The following LYPD3 variants were observed in gnomAD, a reference collection of about 807,000 sequenced individuals.
LYPD3 encodes LY6/PLAUR domain containing 3.
A neutral mutation model predicts 21.7 loss-of-function variants in LYPD3; 22 were observed. That is an observed-to-expected ratio of 1.01 (90% CI 0.72 to 1.45). The LOEUF is 1.45. Among genes scored for constraint, LYPD3 ranks in the 40% most tolerant of loss-of-function variants. The pLI is 0.00. For synonymous variants in LYPD3, 179 were observed against 203.0 expected, an observed-to-expected ratio of 0.88 and a Z score of 1.00; for missense variants, 471 against 466.9, an observed-to-expected ratio of 1.01 and a Z score of -0.08.
chr19:43,463,385 C>A, intron 3 of LYPD3, 98 bp from the exon 4 acceptor site: 1 of 1,441,100 alleles, frequency 6.9e-7, no homozygotes, highest in Non-Finnish European at 9.5e-7. Context: ...CCGGCACTAT[C>A]GATGACCCCG....
At position 43,464,340 on chromosome 19, in the gene LYPD3, C is replaced by T; in HGVS notation, c.196G>A (p.Gly66Arg). 6.2e-7 allele frequency: 1 copy of T among 1,610,836 alleles called. No individual in the cohort carries two copies. The change falls in exon 2 of 5, where the codon GGG becomes AGG. Residue 66 changes from glycine (G) to arginine (R), a missense_variant. By Grantham distance (125) the Gly-to-Arg change is moderately radical (BLOSUM62 -2). Transcript: ENST00000244333. ...PGVDVCTEAVGAVETIHGQFS... is the reference protein window; with the variant it reads ...PGVDVCTEAVRAVETIHGQFS... ...CCCCACTCACTGGTCTCCACCGCCC[C>T]CACGGCCTCGGTGCAGACGTCCACG...
Position 43,463,583 on chromosome 19 carries a change from C to A in LYPD3, c.382+16G>T. 6.3e-7 allele frequency: 1 copy of A among 1,598,114 alleles called. No individual in the cohort carries two copies. Among genetic ancestry groups the A allele is most frequent in the Non-Finnish European group, 8.5e-7 (1 of 1,179,246 alleles). On this transcript the variant is annotated intron_variant, in intron 3 of 4. Transcript: ENST00000244333. ...TGTGGCTCCGCCCCCGCAGCTACGG[C>A]CCGGCCCCCACGGACCTGCCGGGTC...
chr19:43,461,605 C>G lies in LYPD3; in HGVS notation c.787G>C (p.Val263Leu). 6.2e-7 allele frequency: 1 copy of G among 1,614,144 alleles called. No individual in the cohort carries two copies. The highest frequency in any genetic ancestry group is 8.5e-7 in the Non-Finnish European group (1 of 1,180,022). ...GGTTTGGTGGTGGATGTGGGTCTCA[C>G]TGGGGCCGAGGTAGAAGTGGTGACA... ...TSVTTSTSAP[V>L]RPTSTTKPMP... The change falls in exon 5 of 5, where the codon GTG becomes CTG. Residue 263 changes from valine to leucine, a missense_variant. Physicochemically the swap from Val to Leu is conservative, Grantham distance 32 (BLOSUM62 1). Coordinates refer to ENST00000244333, the MANE Select transcript of LYPD3 (RefSeq NM_014400.3).
chr19:43,463,976 G>A, intron 2 of LYPD3: 2 of 640,642 alleles, frequency 3.1e-6, no homozygotes, highest in Non-Finnish European at 5.4e-6. Flanking sequence ...GTCACGGAAC[G>A]GGGGCGGAAC....
chr19:43,464,829 A>T (rs1942777311), intron 1 of LYPD3, among the ~76,000 whole-genome samples: 1 of 152,070 alleles, frequency 6.6e-6, no homozygotes, highest in Non-Finnish European at 1.5e-5. Flanking sequence ...GACTGTGCTC[A>T]GTGAGGGATC....
At chr19:43,461,888 G>C in intron 4 of LYPD3, 41 bp from the exon 5 acceptor site, 1 of 1,579,266 alleles carries the variant, frequency 6.3e-7, no homozygotes, top group Non-Finnish European at 8.6e-7. Flanking sequence ...GCTGGAGGGA[G>C]AGAGGTTGAC....
In LYPD3 at chr19:43,463,772, A is replaced by G. The variant is rs1970796961; in HGVS notation, c.212-3T>C. 6.2e-7 allele frequency: 1 copy of G among 1,609,556 alleles called. No individual in the cohort carries two copies. The highest frequency in any genetic ancestry group is 2.2e-5 in the East Asian group (1 of 44,682). Reference sequence around the variant, plus strand: ...TGCCAGCGAGAATTGTCCGTGGACTAGGGAGAGGGACAAGGGCGGGATTAG... The same window carrying G: ...TGCCAGCGAGAATTGTCCGTGGACTGGGGAGAGGGACAAGGGCGGGATTAG... On this transcript the variant is annotated splice_polypyrimidine_tract_variant and splice_region_variant and intron_variant, in intron 2 of 4. Transcript: ENST00000244333.
At position 43,461,252 on chromosome 19, in the gene LYPD3, TG is replaced by T. The variant is rs1970772633; in HGVS notation, c.*98del. 6 of 1,384,526 alleles carry T rather than the reference TG, an allele frequency of 4.3e-6. No homozygotes were observed. The highest frequency in any genetic ancestry group is 4.8e-6 in the Non-Finnish European group (5 of 1,040,498). 85.8% of individuals were successfully genotyped at this position (1,384,526 alleles called of 1,614,324 possible). A position where few individuals can be genotyped will look rare whatever the true frequency, so the allele number is the denominator to read the frequency against. On this transcript the variant is annotated 3_prime_UTR_variant, in exon 5 of 5. Coordinates refer to ENST00000244333, the MANE Select transcript of LYPD3 (RefSeq NM_014400.3). ...TGGGGAATGTTGGAAAAACAGGGGC[TG>T]GGCCAGCCCAGTCCAGTGGTGGGAA...
chr19:43,464,830 G>A (rs1970807927), intron 1 of LYPD3, among the ~76,000 whole-genome samples: 2 of 152,080 alleles, frequency 1.3e-5, no homozygotes, highest in South Asian at 4.1e-4. Flanking sequence ...ACTGTGCTCA[G>A]TGAGGGATCC....
Position 43,463,777 on chromosome 19 carries a change from G to A in LYPD3, c.212-8C>T. 1 of 1,612,206 alleles carries A rather than the reference G, an allele frequency of 6.2e-7. No individual in the cohort carries two copies. Among genetic ancestry groups the A allele is most frequent in the African/African-American group, 1.3e-5 (1 of 75,058 alleles). ...GCGAGAATTGTCCGTGGACTAGGGA[G>A]AGGGACAAGGGCGGGATTAGCTGTG... On this transcript the variant is annotated splice_polypyrimidine_tract_variant and splice_region_variant and intron_variant, in intron 2 of 4. Transcript: ENST00000244333.
Position 43,461,237 on chromosome 19 carries a change from T to C in LYPD3, c.*114A>G. On this transcript the variant is annotated 3_prime_UTR_variant, in exon 5 of 5. Transcript: ENST00000244333. ...AGAAGCTGGGGATACTGGGGAATGT[T>C]GGAAAAACAGGGGCTGGGCCAGCCC... 7.8e-7 allele frequency: 1 copy of C among 1,283,158 alleles called. No individual in the cohort carries two copies. Among genetic ancestry groups the C allele is most frequent in the Admixed American group, 2.9e-5 (1 of 34,734 alleles). The allele number at this position is 1,283,158 out of a possible 1,614,324, so 79.5% of individuals were successfully genotyped here.
Position 43,463,205 on chromosome 19 carries a change from C to T in LYPD3, c.465G>A (p.Ser155=), listed in dbSNP as rs1463660131. 1 of 1,610,302 alleles carries T rather than the reference C, an allele frequency of 6.2e-7. No individual in the cohort carries two copies. Among genetic ancestry groups the T allele is most frequent in the African/African-American group, 1.3e-5 (1 of 74,934 alleles). ...CGTTGTAGCAGCTCACGACCGGCGG[C>T]GATGTACCCTGGCACGCCTCCCGGC... ...GLSREACQGT[S]PPVVSCYNAS... The change falls in exon 4 of 5, where the codon TCG becomes TCA. Residue 155 remains serine, a synonymous_variant. Transcript: ENST00000244333.
At chr19:43,464,930 TTTTC>T (rs796263086) in intron 1 of LYPD3, among the ~76,000 whole-genome samples, 17 of 82,262 alleles carry the variant, frequency 2.1e-4, no homozygotes, top group East Asian at 8.5e-4. Context: ...TTTTTTCTTT[TTTTC>T]TTTTTTTTTT....
intron 4 of LYPD3, 70 bp from the exon 5 acceptor site, chr19:43,461,917 A>AC: frequency 1.3e-6 from 2 of 1,521,680 alleles, no homozygotes; most frequent in South Asian, 2.5e-5. Flanking sequence ...AACAAAACTT[A>AC]GAGGCATCAG....
intron 1 of LYPD3, among the ~76,000 whole-genome samples, chr19:43,465,064 G>A (rs1004569940): frequency 2.0e-5 from 3 of 151,910 alleles, no homozygotes; most frequent in Non-Finnish European, 4.4e-5. Context: ...GAGTAGCTGG[G>A]ACTACAGGCT....
intron 3 of LYPD3, 32 bp from the exon 4 acceptor site, chr19:43,463,319 T>A (rs779650493): frequency 6.3e-7 from 1 of 1,597,838 alleles, no homozygotes; most frequent in South Asian, 1.1e-5. Context: ...AGAAAAGGTG[T>A]CGAAAGGGTT....
In LYPD3 at chr19:43,461,279, C is replaced by T. The variant is rs986059657; in HGVS notation, c.*72G>A. The T allele has an allele frequency of 6.8e-6, 10 of 1,463,768 alleles. No homozygotes were observed. The highest frequency in any genetic ancestry group is 4.9e-4 in the Middle Eastern group (2 of 4,108). The allele number at this position is 1,463,768 out of a possible 1,614,324, so 90.7% of individuals were successfully genotyped here. A position where few individuals can be genotyped will look rare whatever the true frequency, so the allele number is the denominator to read the frequency against. ...GGCCAGCCCAGTCCAGTGGTGGGAACAGGAAGTGATGAGAAGAGGGGTACC... is the reference window on the plus strand; with the variant it reads ...GGCCAGCCCAGTCCAGTGGTGGGAATAGGAAGTGATGAGAAGAGGGGTACC... On this transcript the variant is annotated 3_prime_UTR_variant, in exon 5 of 5. Coordinates refer to ENST00000244333, the MANE Select transcript of LYPD3 (RefSeq NM_014400.3).
Position 43,463,584 on chromosome 19 carries a change from C to T in LYPD3, c.382+15G>A, listed in dbSNP as rs546426157. The T allele has an allele frequency of 4.4e-6, 7 of 1,598,212 alleles. No homozygotes were observed. In the Middle Eastern group the frequency reaches 5.0e-4, roughly 113 times the overall value. On this transcript the variant is annotated intron_variant, in intron 3 of 4. Coordinates refer to ENST00000244333, the MANE Select transcript of LYPD3 (RefSeq NM_014400.3). ...GTGGCTCCGCCCCCGCAGCTACGGC[C>T]CGGCCCCCACGGACCTGCCGGGTCG...
intron 4 of LYPD3, among the ~76,000 whole-genome samples, chr19:43,462,835 C>T (rs1970786281): frequency 6.6e-6 from 1 of 152,160 alleles, no homozygotes; most frequent in African/African-American, 2.4e-5. Flanking sequence ...AGTGCCTGGG[C>T]AGAAGCTTAG....
Sources: allele counts gnomAD v4.1 joint callset (sites outside exome capture counted in the v4.1 genomes callset), GRCh38; gene constraint gnomAD v4.1.1; transcripts MANE v1.5; gene names NCBI Gene and HGNC (gene_info 2026-07-23, HGNC 2026-07-21).